CEP295: variants seen among roughly 807,000 people sequenced by gnomAD.
The protein encoded by CEP295 is centrosomal protein 295.
CEP295 carries 190 observed loss-of-function variants against 291.6 expected under a neutral mutation model. That is an observed-to-expected ratio of 0.65 (90% CI 0.58 to 0.73). The LOEUF is 0.73. Ranked by LOEUF, CEP295 falls within the 30% of genes least tolerant of loss-of-function variation. The probability of loss-of-function intolerance (pLI) is 0.00; values close to 1 mark genes in which losing one functional copy is unlikely to be tolerated. For synonymous variants in CEP295, 993 were observed against 1,038.8 expected (o/e 0.96, Z 0.85); for missense variants, 2,863 against 2,949.4 (o/e 0.97, Z 0.68).
chr11:93,727,475 A>G lies in CEP295; in HGVS notation c.6999A>G (p.Ser2333=). 2 of 1,552,028 alleles carry G rather than the reference A, an allele frequency of 1.3e-6. No individual in the cohort carries two copies. Among genetic ancestry groups the G allele is most frequent in the African/African-American group, 1.4e-5 (1 of 73,172 alleles). ...TAAGAACAGTGGAGATGGGAACTTC[A>G]ATTCAGGCACCATATTCCTTAACTA... is the stretch of plus-strand genomic sequence containing the variant. ...LCVRTVEMGT[S]IQAPYSLTTQ... Residue 2333 remains serine (S), a synonymous_variant, in exon 24 of 30, where the codon TCA becomes TCG. Coordinates refer to ENST00000325212, the MANE Select transcript of CEP295 (RefSeq NM_033395.2).
intron 10 of CEP295, among the ~76,000 whole-genome samples, chr11:93,688,546 C>T (rs1319289220): frequency 6.9e-6 from 1 of 144,746 alleles, no homozygotes; most frequent in African/African-American, 2.5e-5. Context: ...GAAGTATTTT[C>T]TTCCCTTGGC....
chr11:93,704,771 C>A (rs189294218), intron 17 of CEP295, among the ~76,000 whole-genome samples: 4 of 152,092 alleles, frequency 2.6e-5, no homozygotes, highest in Non-Finnish European at 4.4e-5. Context: ...ATATTACATG[C>A]AAGTAATTTA....
chr11:93,665,539 C>G (rs1287701644), intron 1 of CEP295, among the ~76,000 whole-genome samples: 1 of 152,162 alleles, frequency 6.6e-6, no homozygotes, highest in African/African-American at 2.4e-5. Context: ...GAACCCCTGT[C>G]TCTACTAAAA....
chr11:93,691,822 CT>C (rs770012250), intron 11 of CEP295, 47 bp downstream of exon 11: 524 of 1,329,208 alleles, frequency 3.9e-4, no homozygotes, highest in Non-Finnish European at 4.5e-4. Flanking sequence ...CTCCTTGCAT[CT>C]TTTTTTTAAA....
intron 10 of CEP295, among the ~76,000 whole-genome samples, chr11:93,688,533 C>G (rs570247846): frequency 4.4e-4 from 67 of 151,694 alleles, no homozygotes; most frequent in African/African-American, 1.6e-3. Context: ...AGGAAGCCTT[C>G]TTGAAGTATT....
chr11:93,723,410 C>T (rs545367538), intron 21 of CEP295, 121 bp downstream of exon 21: 23 of 713,718 alleles, frequency 3.2e-5, no homozygotes, highest in Admixed American at 3.0e-5. Context: ...GCTACAACAC[C>T]GTTTTACCAC....
chr11:93,706,634 A>G (rs1952526426), intron 17 of CEP295, 111 bp from the exon 18 acceptor site: 1 of 856,148 alleles, frequency 1.2e-6, no homozygotes, highest in South Asian at 2.2e-5. Context: ...TTATTGCTAT[A>G]TACAGTAAGT....
chr11:93,702,992 C>A, intron 17 of CEP295, 73 bp downstream of exon 17: 1 of 1,249,500 alleles, frequency 8.0e-7, no homozygotes, highest in Non-Finnish European at 1.1e-6. Flanking sequence ...TAGATGGAGC[C>A]TTGCTCTGTT....
chr11:93,689,525 C>G lies in CEP295; in HGVS notation c.1336+1660C>G, dbSNP rs138861722. Among the ~76,000 whole-genome samples the G allele has an allele frequency of 4.4e-3, 676 of 152,264 alleles. 6 individuals are homozygous for G. Among genetic ancestry groups the G allele is most frequent in the African/African-American group, 0.016 (645 of 41,546 alleles). On this transcript the variant is annotated intron_variant, in intron 10 of 29. Transcript: ENST00000325212. ...TTTCCTTGACTCACTCCCTCACTTCCTTCACATGTTTACTCAACTATCCCT... is the reference window on the plus strand; with the variant it reads ...TTTCCTTGACTCACTCCCTCACTTCGTTCACATGTTTACTCAACTATCCCT...
At chr11:93,701,468 A>G (rs189746868) in intron 15 of CEP295, among the ~76,000 whole-genome samples, 167 of 152,358 alleles carry the variant, frequency 1.1e-3, no homozygotes, top group African/African-American at 3.8e-3. Context: ...GGGTTCAGGA[A>G]GAGTTAACGT....
At chr11:93,729,592 T>A in intron 26 of CEP295, 22 bp from the exon 27 acceptor site, 1 of 1,550,110 alleles carries the variant, frequency 6.5e-7, no homozygotes, top group East Asian at 2.4e-5. Context: ...ATTTCTGTCA[T>A]AAATTTCTTT....
intron 6 of CEP295, 87 bp downstream of exon 6, chr11:93,675,753 T>G: frequency 1.4e-6 from 1 of 691,072 alleles, no homozygotes; most frequent in Non-Finnish European, 2.3e-6. Flanking sequence ...ATGTATGGTG[T>G]TCCCAGATTT....
In CEP295 at chr11:93,727,786, C is replaced by T. The variant is rs530438299; in HGVS notation, c.7161+149C>T. 1.0e-4 allele frequency: 68 copies of T among 653,230 alleles called. No individual in the cohort carries two copies. In the Admixed American group the frequency reaches 1.7e-3, roughly 16 times the overall value. 40.5% of individuals were successfully genotyped at this position (653,230 alleles called of 1,614,324 possible). A position where few individuals can be genotyped will look rare whatever the true frequency, so the allele number is the denominator to read the frequency against. ...CAAGGGATCCTCCTGCCTCAACTTCCGAAGTAGTTTGGACACACCACAATG... is the reference window on the plus strand; with the variant it reads ...CAAGGGATCCTCCTGCCTCAACTTCTGAAGTAGTTTGGACACACCACAATG... On this transcript the variant is annotated intron_variant, in intron 24 of 29. Coordinates refer to ENST00000325212, the MANE Select transcript of CEP295 (RefSeq NM_033395.2).
intron 19 of CEP295, 144 bp downstream of exon 19, chr11:93,721,556 C>G: frequency 1.3e-6 from 1 of 772,808 alleles, no homozygotes; most frequent in Non-Finnish European, 2.4e-6. Context: ...AATGATGAAA[C>G]TAGCCAAATC....
intron 6 of CEP295, among the ~76,000 whole-genome samples, chr11:93,678,993 A>T (rs1338481947): frequency 6.6e-6 from 1 of 152,010 alleles, no homozygotes; most frequent in African/African-American, 2.4e-5. Flanking sequence ...AGTAGCTGGG[A>T]TTATAGGTGC....
At chr11:93,674,186 C>T (rs1203237352) in intron 5 of CEP295, among the ~76,000 whole-genome samples, 2 of 152,132 alleles carry the variant, frequency 1.3e-5, no homozygotes, top group Non-Finnish European at 1.5e-5. Flanking sequence ...TGGTCTCAAA[C>T]TCCTGACCTC....
intron 7 of CEP295, among the ~76,000 whole-genome samples, chr11:93,680,094 T>C (rs1019192291): frequency 6.6e-6 from 1 of 151,862 alleles, no homozygotes. Flanking sequence ...TTGGAAAACA[T>C]GGAGAAACCA....
At chr11:93,706,524 T>C (rs1952521469) in intron 17 of CEP295, among the ~76,000 whole-genome samples, 1 of 152,216 alleles carries the variant, frequency 6.6e-6, no homozygotes, top group African/African-American at 2.4e-5. Flanking sequence ...GATTAGTCAA[T>C]ACTGAGGCAT....
At position 93,698,975 on chromosome 11, in the gene CEP295, C is replaced by A; in HGVS notation, c.4063C>A (p.Gln1355Lys). The change falls in exon 15 of 30, where the codon CAA (glutamine) becomes AAA (lysine). Residue 1355 changes from glutamine (Q) to lysine (K), a missense_variant. Coordinates refer to ENST00000325212, the MANE Select transcript of CEP295 (RefSeq NM_033395.2). Reference protein sequence around the residue: ...QPQQDNLKALQEQLATQREAI... With the variant: ...QPQQDNLKALKEQLATQREAI... ...TCAACAAGATAATTTGAAGGCACTT[C>A]AAGAACAGTTAGCTACACAGAGAGA... The A allele has an allele frequency of 6.4e-7, 1 of 1,550,686 alleles. No individual in the cohort carries two copies. The highest frequency in any genetic ancestry group is 2.0e-5 in the Admixed American group (1 of 51,002).
Sources: gnomAD v4.1 joint callset for allele counts (sites outside exome capture counted in the v4.1 genomes callset) on GRCh38, gnomAD v4.1.1 for gene constraint, MANE v1.5 for transcripts, NCBI Gene and HGNC (gene_info 2026-07-23, HGNC 2026-07-21) for gene names.